Variants in ATP2C1 observed in about 807,000 individuals in gnomAD.
ATP2C1 encodes calcium-transporting ATPase type 2C member 1.
ATP2C1 carries 31 observed loss-of-function variants against 120.5 expected under a neutral mutation model. The ratio of observed to expected loss-of-function variants is 0.26; its 90% CI spans 0.19 to 0.35. ATP2C1 has a LOEUF of 0.35. ATP2C1 is among the 10% of genes least tolerant of loss of function. The pLI is 1.00. For synonymous variants in ATP2C1, 351 were observed against 358.7 expected, an observed-to-expected ratio of 0.98 and a Z score of 0.24; for missense variants, 731 against 1,107.5, an observed-to-expected ratio of 0.66 and a Z score of 4.83.
chr3:130,915,103 C>A (rs199815087), intron 2 of ATP2C1, among the ~76,000 whole-genome samples: 1 of 146,392 alleles, frequency 6.8e-6, no homozygotes, highest in African/African-American at 2.5e-5. Context: ...TTTTTTTTTT[C>A]CCCCCCTTGA....
intron 5 of ATP2C1, among the ~76,000 whole-genome samples, chr3:130,937,064 G>C (rs2108408778): frequency 6.6e-6 from 1 of 152,226 alleles, no homozygotes; most frequent in African/African-American, 2.4e-5. Context: ...GTGTTAGCAT[G>C]TAATGAGGTT....
At chr3:130,879,938 T>G (rs972619855) in intron 1 of ATP2C1, among the ~76,000 whole-genome samples, 2 of 152,190 alleles carry the variant, frequency 1.3e-5, no homozygotes, top group Admixed American at 1.3e-4. Context: ...CATGATGACC[T>G]CATCGCTGGA....
chr3:130,879,803 G>C (rs1429732214), intron 1 of ATP2C1, among the ~76,000 whole-genome samples: 6 of 152,182 alleles, frequency 3.9e-5, no homozygotes, highest in Non-Finnish European at 5.9e-5. Flanking sequence ...TTCTTTGGCT[G>C]TCATCAACAT....
intron 26 of ATP2C1, among the ~76,000 whole-genome samples, chr3:131,010,376 A>AC (rs2063275067): frequency 6.6e-6 from 1 of 151,680 alleles, no homozygotes; most frequent in East Asian, 1.9e-4. Flanking sequence ...TTGTATTTTT[A>AC]GTAGAGACGG....
At chr3:130,881,348 TCC>T in intron 1 of ATP2C1, among the ~76,000 whole-genome samples, 1 of 105,794 alleles carries the variant, frequency 9.5e-6, no homozygotes, top group South Asian at 3.1e-4. Flanking sequence ...CTTCTTCTTC[TCC>T]TCCTCCTCCT....
At chr3:130,995,842 C>T (rs1333593893) in intron 22 of ATP2C1, among the ~76,000 whole-genome samples, 1 of 152,046 alleles carries the variant, frequency 6.6e-6, no homozygotes, top group African/African-American at 2.4e-5. Flanking sequence ...AGTTTCGCTG[C>T]ACCATGGTGG....
At chr3:130,906,149 A>T (rs942572693) in intron 2 of ATP2C1, among the ~76,000 whole-genome samples, 1 of 152,088 alleles carries the variant, frequency 6.6e-6, no homozygotes, top group Non-Finnish European at 1.5e-5. Context: ...GGTTTTTAGT[A>T]TAGTCACAAA....
chr3:130,894,421 G>C lies in ATP2C1; in HGVS notation c.-181+84G>C. The C allele has an allele frequency of 8.0e-7, 1 of 1,256,014 alleles. No individual in the cohort carries two copies. Among genetic ancestry groups the C allele is most frequent in the Non-Finnish European group, 1.0e-6 (1 of 990,568 alleles). The allele number at this position is 1,256,014 out of a possible 1,614,324, so 77.8% of individuals were successfully genotyped here. A position where few individuals can be genotyped will look rare whatever the true frequency, so the allele number is the denominator to read the frequency against. On this transcript the variant is annotated intron_variant, in intron 1 of 27. Transcript: ENST00000510168. The surrounding 1 kb of genome is among the most constrained non-coding windows in gnomAD (Gnocchi z 4.5). ...GGGGAGGTTCGGGTATCCCCTGGAT[G>C]GGGGGGCATCTCTAGGGCGCCGCCC... is the stretch of plus-strand genomic sequence containing the variant.
chr3:130,944,836 A>G (rs1024950044), intron 8 of ATP2C1, among the ~76,000 whole-genome samples: 1 of 152,250 alleles, frequency 6.6e-6, no homozygotes, highest in East Asian at 1.9e-4. Context: ...CACAGAGAGC[A>G]AAATCCAAAG....
intron 20 of ATP2C1, among the ~76,000 whole-genome samples, chr3:130,988,408 G>A (rs2062128113): frequency 6.6e-6 from 1 of 152,078 alleles, no homozygotes; most frequent in Admixed American, 6.5e-5. Context: ...GAAAATATGT[G>A]GCCTTGTTCT....
intron 20 of ATP2C1, among the ~76,000 whole-genome samples, chr3:130,985,417 G>T (rs890407511): frequency 2.0e-5 from 3 of 152,156 alleles, no homozygotes; most frequent in Non-Finnish European, 4.4e-5. Context: ...TGGATTGCCT[G>T]AGGTCAGGAT....
intron 1 of ATP2C1, among the ~76,000 whole-genome samples, chr3:130,853,484 G>C (rs1220406135): frequency 6.6e-6 from 1 of 152,058 alleles, no homozygotes; most frequent in Admixed American, 6.5e-5. Context: ...ACATACTTGG[G>C]GAATATTATA....
intron 1 of ATP2C1, among the ~76,000 whole-genome samples, chr3:130,862,998 T>C (rs2068064007): frequency 6.6e-6 from 1 of 152,166 alleles, no homozygotes; most frequent in African/African-American, 2.4e-5. Flanking sequence ...AGAGTCTTTC[T>C]CGGGGCCTTA....
intron 8 of ATP2C1, among the ~76,000 whole-genome samples, chr3:130,951,158 A>T (rs2060354080): frequency 6.6e-6 from 1 of 152,174 alleles, no homozygotes; most frequent in South Asian, 2.1e-4. Flanking sequence ...TTCAGATAAT[A>T]CATAATTTTT....
chr3:130,980,325 A>G (rs1422746994), intron 19 of ATP2C1, among the ~76,000 whole-genome samples: 1 of 150,390 alleles, frequency 6.6e-6, no homozygotes, highest in Non-Finnish European at 1.5e-5. Context: ...GGCTCAAGTG[A>G]TCCTGTAGCC....
At chr3:130,873,409 T>G (rs1322325676) in intron 1 of ATP2C1, among the ~76,000 whole-genome samples, 1 of 152,182 alleles carries the variant, frequency 6.6e-6, no homozygotes, top group Non-Finnish European at 1.5e-5. Flanking sequence ...TTCGCAATGT[T>G]TTGAGCATTA....
At chr3:130,954,083 A>G in intron 9 of ATP2C1, 107 bp downstream of exon 9, 1 of 1,219,524 alleles carries the variant, frequency 8.2e-7, no homozygotes, top group Non-Finnish European at 1.2e-6. Flanking sequence ...ATGACAAAGG[A>G]TAAAATTGAA....
chr3:130,909,411 A>T (rs1288477607), intron 2 of ATP2C1, among the ~76,000 whole-genome samples: 1 of 152,184 alleles, frequency 6.6e-6, no homozygotes, highest in Non-Finnish European at 1.5e-5. Flanking sequence ...GATACCTGTC[A>T]TATCCTTTAT....
At chr3:130,999,740 C>T in intron 27 of ATP2C1, 81 bp downstream of exon 27, 8 of 1,329,994 alleles carry the variant, frequency 6.0e-6, no homozygotes, top group Non-Finnish European at 8.3e-6. Flanking sequence ...TTTTAAAATT[C>T]TTTTAAAATA....
Sources: allele counts gnomAD v4.1 joint callset (sites outside exome capture counted in the v4.1 genomes callset), GRCh38; gene constraint gnomAD v4.1.1; non-coding constraint Gnocchi (gnomAD v3.1); transcripts MANE v1.5; gene names NCBI Gene and HGNC (gene_info 2026-07-23, HGNC 2026-07-21).